The following HHLA1 variants were observed in gnomAD, a reference collection of about 807,000 sequenced individuals.
HHLA1 encodes the protein HERV-H LTR-associating protein 1.
HHLA1 carries 72 observed loss-of-function variants against 69.9 expected under a neutral mutation model. The observed-to-expected ratio is 1.03, with a 90% CI of 0.85 to 1.25. The LOEUF (loss-of-function observed/expected upper bound fraction) is 1.25. HHLA1 is among the 50% of genes most tolerant of loss of function. The pLI is 0.00. For synonymous variants in HHLA1, 252 were observed against 233.2 expected, an observed-to-expected ratio of 1.08 and a Z score of -0.73; for missense variants, 685 against 642.2, an observed-to-expected ratio of 1.07 and a Z score of -0.72.
chr8:132,087,730 A>T lies in HHLA1; in HGVS notation c.599T>A (p.Leu200His), dbSNP rs1254804478. 1.3e-6 allele frequency: 2 copies of T among 1,551,334 alleles called. No homozygotes were observed. Among genetic ancestry groups the T allele is most frequent in the Non-Finnish European group, 1.7e-6 (2 of 1,146,646 alleles). Reference protein sequence around the residue: ...CVMTGKSGRNLSDFWEIEEKY... With the variant: ...CVMTGKSGRNHSDFWEIEEKY... ...TTCTTCTATCTCCCAGAAGTCAGAA[A>T]GATTCCTTCCTGCAAAAATCACACC... The change falls in exon 10 of 17, where the codon CTT (leucine) becomes CAT (histidine). Residue 200 changes from leucine to histidine, a missense_variant. Transcript: ENST00000414222.
At chr8:132,101,308 C>T (rs759446042) in intron 3 of HHLA1, 1 of 1,548,108 alleles carries the variant, frequency 6.5e-7, no homozygotes, top group South Asian at 1.2e-5. Context: ...AAATAGTAAC[C>T]TGAAAGTACA....
intron 14 of HHLA1, among the ~76,000 whole-genome samples, chr8:132,071,776 A>T (rs527325284): frequency 6.6e-6 from 1 of 152,326 alleles, no homozygotes; most frequent in East Asian, 1.9e-4. Flanking sequence ...ACAGGAATGT[A>T]TCAGGTGGAG....
chr8:132,107,654 G>C (rs758917584), intron 1 of HHLA1, among the ~76,000 whole-genome samples: 12 of 152,122 alleles, frequency 7.9e-5, no homozygotes, highest in Non-Finnish European at 1.6e-4. Flanking sequence ...ACTGTTCTTG[G>C]AGAAAAATGC....
rs1360766324 is a variant in HHLA1, at chr8:132,087,667, A to C, written c.662T>G (p.Leu221Trp). Reference sequence around the variant, plus strand: ...TTGGTACTCACCCAGAACACCAGACAAGCCGCTGGTAAATGTGTAATTGAT... The same window carrying C: ...TTGGTACTCACCCAGAACACCAGACCAGCCGCTGGTAAATGTGTAATTGAT... ...PIINYTFTSG[L>W]SGVLGAATRG... Residue 221 changes from leucine (L) to tryptophan (W), a missense_variant, in exon 10 of 17, where the codon TTG becomes TGG. Physicochemically the swap from Leu to Trp is moderately conservative, Grantham distance 61. Transcript: ENST00000414222. 9 of 1,550,852 alleles carry C rather than the reference A, an allele frequency of 5.8e-6. No homozygotes were observed. Among genetic ancestry groups the C allele is most frequent in the Non-Finnish European group, 7.9e-6 (9 of 1,146,344 alleles).
chr8:132,069,567 T>C (rs1197508091), intron 15 of HHLA1: 1 of 152,224 alleles, frequency 6.6e-6, no homozygotes, highest in Admixed American at 6.5e-5. Flanking sequence ...AAACTCAAAC[T>C]TCTCTCTGAA....
intron 5 of HHLA1, among the ~76,000 whole-genome samples, chr8:132,097,851 A>T (rs2130896548): frequency 6.6e-6 from 1 of 152,358 alleles, no homozygotes; most frequent in East Asian, 1.9e-4. Context: ...GTCTAAGTGA[A>T]CAAGTGTAGA....
At chr8:132,110,223 C>T (rs1313046679) in intron 1 of HHLA1, among the ~76,000 whole-genome samples, 2 of 152,148 alleles carry the variant, frequency 1.3e-5, no homozygotes, top group African/African-American at 4.8e-5. Flanking sequence ...GTGGGCTAGC[C>T]ACAGTGAGTG....
At chr8:132,075,512 C>G (rs1823619371) in intron 14 of HHLA1, among the ~76,000 whole-genome samples, 1 of 152,210 alleles carries the variant, frequency 6.6e-6, no homozygotes, top group South Asian at 2.1e-4. Context: ...TGGTCTTCGT[C>G]TAGATCCATG....
intron 13 of HHLA1, 57 bp downstream of exon 13, chr8:132,076,418 T>G: frequency 9.7e-6 from 7 of 722,192 alleles, no homozygotes; most frequent in East Asian, 2.8e-5. Flanking sequence ...GTCCCCAAGC[T>G]TCCCACCCCT....
In HHLA1 at chr8:132,079,972, G is replaced by C; in HGVS notation, c.677-6C>G. 6.4e-7 allele frequency: 1 copy of C among 1,552,308 alleles called. No homozygotes were observed. ...AGTTCCCCTGGTAGCTGCACCTTCA[G>C]GGAGGCAGTCAATGGTAACATTAAC... On this transcript the variant is annotated splice_polypyrimidine_tract_variant and splice_region_variant and intron_variant, in intron 10 of 16. Transcript: ENST00000414222.
chr8:132,066,029 C>G, intron 15 of HHLA1, 61 bp from the exon 16 acceptor site: 3 of 705,560 alleles, frequency 4.3e-6, no homozygotes, highest in South Asian at 3.0e-5. Context: ...TAGAAGACAG[C>G]CAGAGTTTTA....
intron 16 of HHLA1, 39 bp from the exon 17 acceptor site, chr8:132,064,077 G>C (rs1195370418): frequency 1.6e-6 from 2 of 1,253,376 alleles, no homozygotes; most frequent in African/African-American, 3.1e-5. Flanking sequence ...TCAAGGTACT[G>C]AGATATAAAC....
chr8:132,077,869 G>A lies in HHLA1; in HGVS notation c.1028C>T (p.Pro343Leu). The A allele has an allele frequency of 1.9e-6, 3 of 1,551,562 alleles. No individual in the cohort carries two copies. The highest frequency in any genetic ancestry group is 1.2e-5 in the South Asian group (1 of 84,044). Residue 343 changes from proline (P) to leucine (L), a missense_variant, in exon 12 of 17, where the codon CCT (proline) becomes CTT (leucine). Coordinates refer to ENST00000414222, the MANE Select transcript of HHLA1 (RefSeq NM_001145095.3). ...PWAQTISEKK[P>L]GGSLWETRSS... ...ACGAGTTTCCCAGAGAGACCCTCCA[G>A]GTTTTTTCTCACTGATGGTCTGAGC...
At chr8:132,079,666 T>A in intron 11 of HHLA1, 52 bp downstream of exon 11, 3 of 1,484,802 alleles carry the variant, frequency 2.0e-6, no homozygotes, top group Non-Finnish European at 2.7e-6. Context: ...AGCCTAGAGG[T>A]AACAGGAGCG....
intron 2 of HHLA1, 42 bp downstream of exon 2, chr8:132,105,142 CTTA>C (rs1299546675): frequency 1.3e-5 from 19 of 1,411,668 alleles, no homozygotes; most frequent in Non-Finnish European, 1.7e-5. Context: ...AATACTCCAA[CTTA>C]TTATACAGAA....
At chr8:132,087,632 G>A (rs1214909121) in intron 10 of HHLA1, 21 bp downstream of exon 10, 15 of 1,510,542 alleles carry the variant, frequency 9.9e-6, no homozygotes, top group Admixed American at 9.8e-5. Flanking sequence ...TATGGGAGGA[G>A]TTTGGGAGGT....
At chr8:132,079,573 A>C in intron 11 of HHLA1, 145 bp downstream of exon 11, 937 of 718,482 alleles carry the variant, frequency 1.3e-3, no homozygotes, top group Non-Finnish European at 1.8e-3. Flanking sequence ...ACCGGCTCAT[A>C]CAGATCTGTT....
chr8:132,077,620 T>G lies in HHLA1; in HGVS notation c.1171+106A>C, dbSNP rs531474955. The stretch of plus-strand genomic sequence containing the variant: ...CTTCATGATCATTATGTTTTCTTAG[T>G]TTTCTGTGTGTGTATTATATTCCAA... On this transcript the variant is annotated intron_variant, in intron 12 of 16. Transcript: ENST00000414222. The G allele has an allele frequency of 8.8e-6, 10 of 1,134,186 alleles. No homozygotes were observed. The South Asian group carries it at 1.4e-4, about 16-fold the overall frequency. 70.3% of individuals were successfully genotyped at this position (1,134,186 alleles called of 1,614,324 possible).
At chr8:132,087,599 G>T in intron 10 of HHLA1, 54 bp downstream of exon 10, 2 of 1,179,200 alleles carry the variant, frequency 1.7e-6, no homozygotes, top group Non-Finnish European at 2.5e-6. Context: ...AGTGTGCCAG[G>T]TGGGACCCTG....
Sources: allele counts gnomAD v4.1 joint callset (sites outside exome capture counted in the v4.1 genomes callset), GRCh38; gene constraint gnomAD v4.1.1; transcripts MANE v1.5; gene names NCBI Gene and HGNC (gene_info 2026-07-23, HGNC 2026-07-21).